The following PLCG2 variants were observed in gnomAD, a reference collection of about 807,000 sequenced individuals.
The protein encoded by PLCG2 is phospholipase C gamma 2, also known as 1-phosphatidylinositol 4,5-bisphosphate phosphodiesterase gamma-2.
In PLCG2, 69 loss-of-function variants were observed where a neutral mutation model predicts 175.6. That is an observed-to-expected ratio of 0.39 (90% CI 0.32 to 0.48). The LOEUF (loss-of-function observed/expected upper bound fraction) is 0.48, where lower values mean the gene tolerates loss of function less well. Ranked by LOEUF, PLCG2 falls within the 20% of genes least tolerant of loss-of-function variation. The pLI, the probability that PLCG2 is intolerant of heterozygous loss-of-function variation, is 0.91. For missense variants in PLCG2, 1,798 were observed against 1,650.9 expected (o/e 1.09, Z -1.54); for synonymous variants, 827 against 624.0 (o/e 1.33, Z -4.85).
At chr16:81,901,321 G>A (rs1909141856) in intron 14 of PLCG2, among the ~76,000 whole-genome samples, 1 of 152,168 alleles carries the variant, frequency 6.6e-6, no homozygotes, top group Non-Finnish European at 1.5e-5. Flanking sequence ...CTGTGCCTAG[G>A]GATGCCATGG....
chr16:81,926,480 A>C (rs967673049), intron 22 of PLCG2, among the ~76,000 whole-genome samples: 2 of 152,168 alleles, frequency 1.3e-5, no homozygotes, highest in African/African-American at 4.8e-5. Flanking sequence ...CCGTGTTGTT[A>C]GTGTTGTTAT....
intron 2 of PLCG2, among the ~76,000 whole-genome samples, chr16:81,787,308 G>GT (rs1911015053): frequency 6.6e-6 from 1 of 151,624 alleles, no homozygotes; most frequent in African/African-American, 2.4e-5. Context: ...TGCAGCCTCA[G>GT]CCCCCTGGGC....
intron 26 of PLCG2, chr16:81,935,691 C>T: frequency 4.1e-6 from 4 of 985,280 alleles, no homozygotes; most frequent in Non-Finnish European, 4.8e-6. Flanking sequence ...GAGGCCTGTC[C>T]CCTTCCCTCT....
intron 11 of PLCG2, among the ~76,000 whole-genome samples, 158 bp downstream of exon 11, chr16:81,891,748 G>T (rs1360197361): frequency 1.3e-5 from 2 of 152,128 alleles, no homozygotes; most frequent in African/African-American, 4.8e-5. Flanking sequence ...CTTCTGGAAG[G>T]GGCTGGGAAC....
chr16:81,768,432 T>C (rs1369225560), intron 2 of PLCG2, among the ~76,000 whole-genome samples: 1 of 152,142 alleles, frequency 6.6e-6, no homozygotes, highest in Non-Finnish European at 1.5e-5. Flanking sequence ...TGCTGGGTCA[T>C]ATGGTAAGTG....
intron 8 of PLCG2, among the ~76,000 whole-genome samples, chr16:81,882,097 A>T (rs1908109179): frequency 6.6e-6 from 1 of 152,208 alleles, no homozygotes; most frequent in African/African-American, 2.4e-5. Context: ...GGCATGTTTC[A>T]TCTCTTACAC....
At chr16:81,866,419 A>G (rs57775883) in intron 5 of PLCG2, among the ~76,000 whole-genome samples, 7 of 72,244 alleles carry the variant, frequency 9.7e-5, no homozygotes, top group African/African-American at 2.2e-4. Context: ...TGCTCCCAGG[A>G]TGAGCTCCAC....
At chr16:81,835,260 T>C (rs558545374) in intron 2 of PLCG2, among the ~76,000 whole-genome samples, 1 of 152,338 alleles carries the variant, frequency 6.6e-6, no homozygotes, top group Admixed American at 6.5e-5. Context: ...GTTAATATAC[T>C]ACCTTACGTA....
chr16:81,765,244 C>T, intron 2 of PLCG2, among the ~76,000 whole-genome samples: 1 of 152,252 alleles, frequency 6.6e-6, no homozygotes. Context: ...TGGGGAGAGG[C>T]ATCTGCAAAC....
rs577978390 is a variant in PLCG2, at chr16:81,927,619, G to A, written c.2514+441G>A. Among the ~76,000 whole-genome samples the A allele has an allele frequency of 5.3e-5, 8 of 152,270 alleles. No homozygotes were observed. The South Asian group carries it at 6.2e-4, about 12-fold the overall frequency. Reference sequence around the variant, plus strand: ...CAAACCTGGTGGTTGTTCCCTCGCCGCCTCTTGTTTAGAGAGCAGCCACTT... The same window carrying A: ...CAAACCTGGTGGTTGTTCCCTCGCCACCTCTTGTTTAGAGAGCAGCCACTT... On this transcript the variant is annotated intron_variant, in intron 23 of 32. Transcript: ENST00000564138.
Position 81,879,799 on chromosome 16 carries a change from A to T in PLCG2, c.649-1111A>T, listed in dbSNP as rs1334372830. Among the ~76,000 whole-genome samples, 3 of 152,266 alleles carry T rather than the reference A, an allele frequency of 2.0e-5. No individual in the cohort carries two copies. The South Asian group carries it at 6.2e-4, about 32-fold the overall frequency. On this transcript the variant is annotated intron_variant, in intron 7 of 32. Coordinates refer to ENST00000564138, the MANE Select transcript of PLCG2 (RefSeq NM_002661.5). ...ACAGAAAATGGGCTGGTGCAAGTAGAAGCTGGAGGGAGGGGTGCTCCATGG... is the reference window on the plus strand; with the variant it reads ...ACAGAAAATGGGCTGGTGCAAGTAGTAGCTGGAGGGAGGGGTGCTCCATGG...
chr16:81,785,360 C>T (rs989310917), intron 1 of PLCG2, among the ~76,000 whole-genome samples: 1 of 152,156 alleles, frequency 6.6e-6, no homozygotes. Context: ...TCAGCAGGAA[C>T]CTTCTCTAGG....
intron 2 of PLCG2, among the ~76,000 whole-genome samples, chr16:81,794,057 A>G (rs911731674): frequency 6.6e-6 from 1 of 152,190 alleles, no homozygotes; most frequent in African/African-American, 2.4e-5. Context: ...AAACACATGA[A>G]TTCCTTACGT....
chr16:81,745,586 C>T (rs1909688281), intron 1 of PLCG2, among the ~76,000 whole-genome samples: 1 of 152,202 alleles, frequency 6.6e-6, no homozygotes, highest in Non-Finnish European at 1.5e-5. Flanking sequence ...CTATTATGGG[C>T]TGCATGTAGT....
chr16:81,887,448 G>C (rs1294128442), intron 9 of PLCG2, among the ~76,000 whole-genome samples: 2 of 152,120 alleles, frequency 1.3e-5, no homozygotes, highest in African/African-American at 4.8e-5. Context: ...CCCACAATTT[G>C]GGTTTCATGT....
chr16:81,902,262 T>C (rs2143634981), intron 14 of PLCG2, among the ~76,000 whole-genome samples: 2 of 152,334 alleles, frequency 1.3e-5, no homozygotes, highest in South Asian at 4.1e-4. Context: ...GACAAACAGC[T>C]GTTTCCTAGG....
chr16:81,881,646 A>T (rs1251324852), intron 8 of PLCG2, among the ~76,000 whole-genome samples: 3 of 152,244 alleles, frequency 2.0e-5, no homozygotes, highest in South Asian at 4.1e-4. Context: ...TCTAATTTTT[A>T]TATAGTATGT....
At position 81,961,034 on chromosome 16, in the gene PLCG2, A is replaced by C. The variant is rs1911760178; in HGVS notation, c.*3036A>C. On this transcript the variant is annotated 3_prime_UTR_variant, in exon 33 of 33. Coordinates refer to ENST00000564138, the MANE Select transcript of PLCG2 (RefSeq NM_002661.5). ...TCAAAATGTGGATATTTGGAAAGTGAAAGACTTATCAACAGGGCACAAATC... is the reference window on the plus strand; with the variant it reads ...TCAAAATGTGGATATTTGGAAAGTGCAAGACTTATCAACAGGGCACAAATC... 4.3e-6 allele frequency: 1 copy of C among 231,284 alleles called. No individual in the cohort carries two copies. The highest frequency in any genetic ancestry group is 1.8e-4 in the South Asian group (1 of 5,522). 14.3% of individuals were successfully genotyped at this position (231,284 alleles called of 1,614,324 possible). A position where few individuals can be genotyped will look rare whatever the true frequency, so the allele number is the denominator to read the frequency against.
At chr16:81,933,414 T>C (rs1055510730) in intron 25 of PLCG2, among the ~76,000 whole-genome samples, 9 of 152,188 alleles carry the variant, frequency 5.9e-5, no homozygotes, top group African/African-American at 2.2e-4. Flanking sequence ...CCCGCATTGT[T>C]ACACGGTCTG....
Sources: allele counts gnomAD v4.1 joint callset (sites outside exome capture counted in the v4.1 genomes callset), GRCh38; gene constraint gnomAD v4.1.1; transcripts MANE v1.5; gene names NCBI Gene and HGNC (gene_info 2026-07-23, HGNC 2026-07-21).